Variants in BMPR1B observed in about 807,000 individuals in gnomAD.
BMPR1B encodes the protein bone morphogenetic protein receptor type-1B.
Under a neutral mutation model 59.1 loss-of-function variants are expected in BMPR1B, and 12 were observed. The observed-to-expected ratio is 0.20, with a 90% CI of 0.13 to 0.33. The LOEUF is 0.33. Ranked by LOEUF, BMPR1B falls within the 10% of genes least tolerant of loss-of-function variation. The pLI is 1.00. For missense variants in BMPR1B, 550 were observed against 610.9 expected (o/e 0.90, Z 1.05); for synonymous variants, 237 against 207.3 (o/e 1.14, Z -1.23).
intron 3 of BMPR1B, among the ~76,000 whole-genome samples, chr4:95,050,892 TATC>T (rs1223751407): frequency 6.6e-6 from 1 of 152,186 alleles, no homozygotes; most frequent in East Asian, 1.9e-4. Context: ...TCTCATTCAA[TATC>T]ATGGCAAATG....
chr4:94,951,501 G>A (rs953564267), intron 2 of BMPR1B, among the ~76,000 whole-genome samples: 5 of 152,154 alleles, frequency 3.3e-5, no homozygotes, highest in South Asian at 2.1e-4. Context: ...GAATTTAATC[G>A]AAGGCCTTTT....
chr4:94,774,683 A>C (rs189964102), intron 1 of BMPR1B, among the ~76,000 whole-genome samples: 1 of 152,158 alleles, frequency 6.6e-6, no homozygotes, highest in Admixed American at 6.5e-5. Flanking sequence ...CTCTGCCTGC[A>C]CTATCTTCCA....
chr4:94,802,989 C>T (rs1304995843), intron 1 of BMPR1B, among the ~76,000 whole-genome samples: 1 of 152,106 alleles, frequency 6.6e-6, no homozygotes, highest in Non-Finnish European at 1.5e-5. Context: ...GTTCCTCACC[C>T]TTCTCTCTGG....
rs185288058 is a variant in BMPR1B at position 95,065,677 on chromosome 4, T to A, written c.-17-38731T>A. 3.0e-3 allele frequency among the ~76,000 whole-genome samples: 457 copies of A among 152,098 alleles called. 5 individuals carry two copies. The highest frequency in any genetic ancestry group is 0.01 in the African/African-American group (435 of 41,500). The stretch of plus-strand genomic sequence containing the variant: ...TGTAGCATTTTATATAACAGAAGAG[T>A]CAGCCAGAAATGAAATTAAGTACAT... On this transcript the variant is annotated intron_variant, in intron 3 of 12. Transcript: ENST00000515059.
intron 3 of BMPR1B, among the ~76,000 whole-genome samples, chr4:95,009,731 TG>T (rs1169197633): frequency 3.3e-5 from 5 of 152,162 alleles, no homozygotes; most frequent in Non-Finnish European, 7.4e-5. Context: ...GTTTGGTAAG[TG>T]GCTAAAATGG....
intron 3 of BMPR1B, among the ~76,000 whole-genome samples, chr4:95,094,489 A>C (rs951038476): frequency 5.3e-5 from 8 of 152,044 alleles, no homozygotes; most frequent in Non-Finnish European, 7.4e-5. Context: ...GAAAAGGAAG[A>C]GAAAACTGAA....
chr4:94,988,936 CTCCTCAT>C (rs1721571727), intron 2 of BMPR1B, among the ~76,000 whole-genome samples: 1 of 151,942 alleles, frequency 6.6e-6, no homozygotes, highest in Non-Finnish European at 1.5e-5. Flanking sequence ...AATTTTCTTT[CTCCTCAT>C]TCATTTACAC....
At chr4:95,123,728 AG>A in intron 6 of BMPR1B, 81 bp from the exon 7 acceptor site, 1 of 1,114,132 alleles carries the variant, frequency 9.0e-7, no homozygotes. Flanking sequence ...ATACTTAGCA[AG>A]TACCTTTAGG....
In BMPR1B at chr4:95,131,366, T is replaced by C; in HGVS notation, c.930T>C (p.Ser310=). ...TGAAGTTAGCCTACTCTTCTGTCAG[T>C]GGCTTATGTCATTTACACACAGAAA... ...SMLKLAYSSV[S]GLCHLHTEIF... The change falls in exon 10 of 13, where the codon AGT becomes AGC. Residue 310 remains serine, a synonymous_variant. Coordinates refer to ENST00000515059, the MANE Select transcript of BMPR1B (RefSeq NM_001203.3). The C allele has an allele frequency of 6.2e-7, 1 of 1,614,106 alleles. No individual in the cohort carries two copies. The highest frequency in any genetic ancestry group is 1.1e-5 in the South Asian group (1 of 91,082).
intron 9 of BMPR1B, among the ~76,000 whole-genome samples, chr4:95,130,542 C>A (rs373704396): frequency 6.6e-6 from 1 of 151,718 alleles, no homozygotes; most frequent in Non-Finnish European, 1.5e-5. Context: ...AATTCAAGAC[C>A]CTGTTTTGCA....
chr4:94,983,713 A>G (rs974314971), intron 2 of BMPR1B, among the ~76,000 whole-genome samples: 3 of 152,226 alleles, frequency 2.0e-5, no homozygotes, highest in African/African-American at 7.2e-5. Context: ...AACGTCTCCT[A>G]TTTTAAGAAC....
At chr4:95,148,685 A>G in intron 10 of BMPR1B, 63 bp from the exon 11 acceptor site, 2 of 1,526,238 alleles carry the variant, frequency 1.3e-6, no homozygotes, top group Non-Finnish European at 1.8e-6. Flanking sequence ...TTTCAGAATC[A>G]CCTTGATTCG....
chr4:95,011,358 T>A (rs1004325744), intron 3 of BMPR1B, among the ~76,000 whole-genome samples: 2 of 152,184 alleles, frequency 1.3e-5, no homozygotes, highest in Non-Finnish European at 2.9e-5. Flanking sequence ...TTGCTAAGAA[T>A]AGTAGCCAGA....
chr4:94,787,865 A>T (rs1722820579), intron 1 of BMPR1B, among the ~76,000 whole-genome samples: 1 of 152,180 alleles, frequency 6.6e-6, no homozygotes, highest in Admixed American at 6.5e-5. Flanking sequence ...GGAACTCATG[A>T]TCACAAGATT....
intron 3 of BMPR1B, among the ~76,000 whole-genome samples, chr4:95,023,926 AT>A (rs1334941176): frequency 6.6e-6 from 1 of 152,132 alleles, no homozygotes; most frequent in Non-Finnish European, 1.5e-5. Context: ...GCATAAGGGG[AT>A]TTCCATTTTA....
chr4:94,859,665 A>G (rs115421961), intron 1 of BMPR1B, among the ~76,000 whole-genome samples: 4,604 of 152,194 alleles, frequency 0.03, 216 homozygotes, highest in African/African-American at 0.1. Context: ...CAGATCTTAA[A>G]CCAGGTAGCA....
intron 1 of BMPR1B, among the ~76,000 whole-genome samples, chr4:94,781,410 A>T (rs193177190): frequency 1.3e-5 from 2 of 151,760 alleles, no homozygotes; most frequent in African/African-American, 4.8e-5. Context: ...TAAGATAATA[A>T]TTTTTTATTT....
chr4:94,759,232 G>C (rs1331090619), intron 1 of BMPR1B, among the ~76,000 whole-genome samples: 1 of 152,172 alleles, frequency 6.6e-6, no homozygotes, highest in Non-Finnish European at 1.5e-5. Flanking sequence ...CAGTGACTAC[G>C]AGCGGCCACA....
intron 2 of BMPR1B, among the ~76,000 whole-genome samples, chr4:94,971,703 C>T (rs1057016425): frequency 2.0e-5 from 3 of 151,690 alleles, no homozygotes; most frequent in Non-Finnish European, 4.4e-5. Flanking sequence ...CTAGTATCTT[C>T]ATCTATAAAT....
Sources: gnomAD v4.1 joint callset for allele counts (sites outside exome capture counted in the v4.1 genomes callset) on GRCh38, gnomAD v4.1.1 for gene constraint, MANE v1.5 for transcripts, NCBI Gene and HGNC (gene_info 2026-07-23, HGNC 2026-07-21) for gene names.